BTAF1: variants seen among roughly 807,000 people sequenced by gnomAD.
BTAF1 encodes B-TFIID TATA-box binding protein associated factor 1.
A neutral mutation model predicts 227.1 loss-of-function variants in BTAF1; 38 were observed. The observed-to-expected ratio is 0.17, with a 90% CI of 0.13 to 0.22. The LOEUF is 0.22. Among genes scored for constraint, BTAF1 ranks in the 10% least tolerant of loss-of-function variants. The probability of loss-of-function intolerance (pLI) is 1.00; values close to 1 mark genes in which losing one functional copy is unlikely to be tolerated. For missense variants in BTAF1, 1,598 were observed against 2,204.0 expected, an observed-to-expected ratio of 0.73 and a Z score of 5.51; for synonymous variants, 742 against 751.9, an observed-to-expected ratio of 0.99 and a Z score of 0.21.
chr10:91,935,511 C>T, intron 1 of BTAF1, 146 bp from the exon 2 acceptor site: 1 of 799,216 alleles, frequency 1.3e-6, no homozygotes, highest in Non-Finnish European at 1.8e-6. Context: ...CTGTGTCTGG[C>T]TTATTTCACC....
chr10:91,979,906 A>G (rs1443603962), intron 14 of BTAF1, among the ~76,000 whole-genome samples: 2 of 152,180 alleles, frequency 1.3e-5, no homozygotes, highest in East Asian at 3.8e-4. Context: ...CATAGTGTAC[A>G]TAGTTTTCAT....
intron 8 of BTAF1, among the ~76,000 whole-genome samples, chr10:91,958,195 C>T (rs1462688037): frequency 1.3e-5 from 2 of 151,982 alleles, no homozygotes; most frequent in African/African-American, 2.4e-5. Context: ...ACTACAGGTG[C>T]GTGCCACCAC....
At chr10:91,962,956 A>G (rs1338088280) in intron 12 of BTAF1, among the ~76,000 whole-genome samples, 1 of 151,576 alleles carries the variant, frequency 6.6e-6, no homozygotes, top group Admixed American at 6.6e-5. Context: ...TTTTAGATAT[A>G]TTGGATTTTT....
intron 4 of BTAF1, among the ~76,000 whole-genome samples, chr10:91,949,308 G>A (rs780239303): frequency 2.5e-4 from 38 of 152,142 alleles, no homozygotes; most frequent in Non-Finnish European, 1.5e-4. Context: ...GCAAGAGCCT[G>A]TCTCAAAAAA....
chr10:91,951,470 T>G lies in BTAF1; in HGVS notation c.468T>G (p.Asn156Lys), dbSNP rs139603609. The G allele has an allele frequency of 1.2e-6, 2 of 1,613,442 alleles. No individual in the cohort carries two copies. The highest frequency in any genetic ancestry group is 2.7e-5 in the African/African-American group (2 of 74,904). ...TATTACAGAAGAAACTTGGCCTTAATATGGGAGAAGCAATTGGAATGAGTA... is the reference window on the plus strand; with the variant it reads ...TATTACAGAAGAAACTTGGCCTTAAGATGGGAGAAGCAATTGGAATGAGTA... ...RKLLQKKLGL[N>K]MGEAIGMSTE... The change falls in exon 5 of 38, where the codon AAT (asparagine) becomes AAG (lysine). Residue 156 changes from asparagine to lysine, a missense_variant. Asn to Lys is a moderately conservative substitution (Grantham distance 94, BLOSUM62 0). Coordinates refer to ENST00000265990, the MANE Select transcript of BTAF1 (RefSeq NM_003972.3).
At chr10:92,001,164 A>G (rs1339653499) in intron 25 of BTAF1, among the ~76,000 whole-genome samples, 1 of 152,246 alleles carries the variant, frequency 6.6e-6, no homozygotes, top group African/African-American at 2.4e-5. Flanking sequence ...GGCATAGCAC[A>G]GAGAAGGGAA....
intron 14 of BTAF1, among the ~76,000 whole-genome samples, chr10:91,967,051 T>C (rs528543861): frequency 2.0e-5 from 3 of 152,328 alleles, no homozygotes; most frequent in African/African-American, 7.2e-5. Flanking sequence ...AGACCTGTTA[T>C]ATAGTCTTTG....
intron 23 of BTAF1, among the ~76,000 whole-genome samples, chr10:91,995,503 C>G (rs1404202971): frequency 6.6e-6 from 1 of 151,590 alleles, no homozygotes; most frequent in Non-Finnish European, 1.5e-5. Flanking sequence ...GGTGAAACCC[C>G]CATCTCTACT....
intron 14 of BTAF1, among the ~76,000 whole-genome samples, chr10:91,972,672 A>G (rs2133946659): frequency 6.6e-6 from 1 of 152,292 alleles, no homozygotes; most frequent in African/African-American, 2.4e-5. Flanking sequence ...TTACTTATTG[A>G]TTAATTTATA....
chr10:91,992,332 T>TA, intron 21 of BTAF1, 23 bp downstream of exon 21: 1 of 1,292,980 alleles, frequency 7.7e-7, no homozygotes. Flanking sequence ...TTTTTTTTTT[T>TA]AATGCTTTGA....
chr10:92,026,666 G>A lies in BTAF1; in HGVS notation c.5150G>A (p.Gly1717Asp). 6.2e-7 allele frequency: 1 copy of A among 1,613,928 alleles called. No individual in the cohort carries two copies. The highest frequency in any genetic ancestry group is 8.5e-7 in the Non-Finnish European group (1 of 1,179,968). ...HVGGLGLNLT[G>D]ADTVVFVEHD... ...GGTGGCCTGGGACTTAATTTGACAGGCGCTGACACAGTAGTATTTGTGGAG... is the reference window on the plus strand; with the variant it reads ...GGTGGCCTGGGACTTAATTTGACAGACGCTGACACAGTAGTATTTGTGGAG... Residue 1717 changes from glycine (G) to aspartate (D), a missense_variant, in exon 36 of 38, where the codon GGC becomes GAC. Physicochemically the swap from Gly to Asp is moderately conservative, Grantham distance 94 (BLOSUM62 -1). Coordinates refer to ENST00000265990, the MANE Select transcript of BTAF1 (RefSeq NM_003972.3).
Position 91,992,278 on chromosome 10 carries a change from G to A in BTAF1, c.3014G>A (p.Ser1005Asn). ...KAQIADLPAG[S>N]SGNILVELDE... ...CAAATAGCAGATCTTCCTGCAGGAA[G>A]TAGTGGAAATATTCTTGTTGAACTT... Residue 1005 changes from serine (S) to asparagine (N), a missense_variant, in exon 21 of 38, where the codon AGT becomes AAT. Physicochemically the swap from Ser to Asn is conservative, Grantham distance 46. Transcript: ENST00000265990. The A allele has an allele frequency of 6.2e-7, 1 of 1,611,330 alleles. No individual in the cohort carries two copies. Among genetic ancestry groups the A allele is most frequent in the Non-Finnish European group, 8.5e-7 (1 of 1,179,100 alleles).
rs561943331 is a variant in BTAF1 at position 91,970,995 on chromosome 10, T to C, written c.1650+4238T>C. 5.9e-5 allele frequency among the ~76,000 whole-genome samples: 9 copies of C among 152,362 alleles called. No individual in the cohort carries two copies. The South Asian group carries it at 1.9e-3, about 32-fold the overall frequency. ...GTTAGACAAGCATACAGAATGTGTT[T>C]TGAACAAAAGTGCTTTTCTAGTCTG... On this transcript the variant is annotated intron_variant, in intron 14 of 37. Transcript: ENST00000265990.
chr10:91,983,281 G>A (rs1266398706), intron 18 of BTAF1, among the ~76,000 whole-genome samples: 2 of 152,180 alleles, frequency 1.3e-5, no homozygotes, highest in Non-Finnish European at 2.9e-5. Context: ...TAACTTCTAG[G>A]GAGATGTATG....
intron 20 of BTAF1, among the ~76,000 whole-genome samples, chr10:91,990,549 C>G (rs561371272): frequency 3.3e-5 from 5 of 152,318 alleles, no homozygotes; most frequent in African/African-American, 9.6e-5. Flanking sequence ...AATCCCAGCA[C>G]TTTGGGAGGC....
chr10:91,957,102 A>C (rs1321494831), intron 7 of BTAF1, 123 bp from the exon 8 acceptor site: 1 of 618,792 alleles, frequency 1.6e-6, no homozygotes. Flanking sequence ...TAGTTAAAAA[A>C]ATTAAATTTT....
chr10:91,962,738 G>A (rs955654287), intron 12 of BTAF1, 60 bp downstream of exon 12: 17 of 1,424,900 alleles, frequency 1.2e-5, no homozygotes, highest in Non-Finnish European at 1.5e-5. Context: ...GGGATATGGA[G>A]TATTAGAAAA....
chr10:91,942,367 T>C, intron 3 of BTAF1, 55 bp from the exon 4 acceptor site: 1 of 1,518,426 alleles, frequency 6.6e-7, no homozygotes, highest in Non-Finnish European at 9.1e-7. Flanking sequence ...TGCTATTTTC[T>C]TTCATTCCAC....
intron 17 of BTAF1, 156 bp from the exon 18 acceptor site, chr10:91,982,431 C>A (rs2133985834): frequency 9.4e-7 from 1 of 1,059,262 alleles, no homozygotes; most frequent in Non-Finnish European, 1.3e-6. Context: ...CTTATGAAGA[C>A]AAGATAGTCA....
Sources: gnomAD v4.1 joint callset for allele counts (sites outside exome capture counted in the v4.1 genomes callset) on GRCh38, gnomAD v4.1.1 for gene constraint, MANE v1.5 for transcripts, NCBI Gene and HGNC (gene_info 2026-07-23, HGNC 2026-07-21) for gene names.